Variants in CA5B observed in about 807,000 individuals in gnomAD.
The protein encoded by CA5B is carbonic anhydrase 5B, mitochondrial.
In CA5B, 15 loss-of-function variants were observed where a neutral mutation model predicts 23.1. The ratio of observed to expected loss-of-function variants is 0.65; its 90% CI spans 0.43 to 1.00. The LOEUF is 1.00. Among genes scored for constraint, CA5B ranks in the 50% least tolerant of loss-of-function variants. The probability of loss-of-function intolerance (pLI) is 0.00; values close to 1 mark genes in which losing one functional copy is unlikely to be tolerated. For synonymous variants in CA5B, 84 were observed against 98.5 expected, an observed-to-expected ratio of 0.85 and a Z score of 0.87; for missense variants, 236 against 252.2, an observed-to-expected ratio of 0.94 and a Z score of 0.43.
At chrX:15,769,019 A>G (rs1362401234) in intron 3 of CA5B, among the ~76,000 whole-genome samples, 2 of 111,625 alleles carry the variant, frequency 1.8e-5, no homozygotes, top group Admixed American at 1.9e-4. Flanking sequence ...ACAATAGAGA[A>G]GAACTTTCTC....
At chrX:15,768,368 G>A (rs1054858862) in intron 3 of CA5B, among the ~76,000 whole-genome samples, 2 of 110,893 alleles carry the variant, frequency 1.8e-5, no homozygotes, top group African/African-American at 6.6e-5. Flanking sequence ...AGTCATCAAC[G>A]TTTTTGTCAT....
chrX:15,764,875 G>T, intron 3 of CA5B, 100 bp downstream of exon 3: 1 of 1,037,013 alleles, frequency 9.6e-7, no homozygotes, highest in Non-Finnish European at 1.3e-6. Flanking sequence ...TGACCTCTTT[G>T]TGAGCAATGG....
intron 7 of CA5B, among the ~76,000 whole-genome samples, chrX:15,782,122 T>A (rs907884999): frequency 8.9e-6 from 1 of 112,082 alleles, no homozygotes; most frequent in Non-Finnish European, 1.9e-5. Context: ...TTCTGTAAGC[T>A]GGCTGTTTTG....
chrX:15,751,808 G>C (rs1931360675), intron 2 of CA5B, among the ~76,000 whole-genome samples: 1 of 110,937 alleles, frequency 9.0e-6, no homozygotes, highest in Non-Finnish European at 1.9e-5. Flanking sequence ...TGTGGTCTTT[G>C]CTGCTCTGGG....
Position 15,776,846 on chromosome X carries a change from C to T in CA5B, c.751C>T (p.Pro251Ser). 1 of 1,209,547 alleles carries T rather than the reference C, an allele frequency of 8.3e-7. No individual in the cohort carries two copies. Among genetic ancestry groups the T allele is most frequent in the Non-Finnish European group, 1.1e-6 (1 of 893,715 alleles). ...ESVTWIIKKQ[P>S]VEVDHDQLEQ... is the part of the protein sequence containing the mutation. ...TGTCACCTGGATCATTAAGAAGCAA[C>T]CAGTAGAGGTTGATCATGATCAGGT... The change falls in exon 7 of 8, where the codon CCA becomes TCA. Residue 251 changes from proline to serine, a missense_variant. Pro to Ser is a moderately conservative substitution (Grantham distance 74, BLOSUM62 -1). This residue lies in a region of CA5B where 170 missense variants were observed against 162.0 expected (regional missense o/e 1.05). Transcript: ENST00000318636.
intron 3 of CA5B, 115 bp from the exon 4 acceptor site, chrX:15,772,381 G>A (rs562848863): frequency 1.5e-5 from 7 of 466,479 alleles, no homozygotes; most frequent in South Asian, 1.2e-4. Context: ...ATATAATTCA[G>A]TGTAATCCAT....
chrX:15,746,662 G>A (rs775538673), intron 1 of CA5B, among the ~76,000 whole-genome samples: 1 of 111,403 alleles, frequency 9.0e-6, no homozygotes, highest in South Asian at 3.8e-4. Flanking sequence ...CAGTCTCCCC[G>A]AGCATCCAGG....
intron 1 of CA5B, chrX:15,745,711 G>T (rs1474711007): frequency 9.0e-6 from 1 of 111,524 alleles, no homozygotes; most frequent in Non-Finnish European, 1.9e-5. Context: ...AACAGTTAAG[G>T]CAAGCTTTCC....
intron 3 of CA5B, chrX:15,765,450 A>T: frequency 8.9e-6 from 1 of 112,974 alleles, no homozygotes; most frequent in East Asian, 2.8e-4. Flanking sequence ...TCTATGGAAG[A>T]CAGAAGGTGG....
chrX:15,749,153 A>T (rs12388132), intron 1 of CA5B, among the ~76,000 whole-genome samples: 2,963 of 106,434 alleles, frequency 0.028, 92 homozygotes, highest in African/African-American at 0.094. Context: ...AGAAGAATTG[A>T]TTTTTTTTTT....
chrX:15,738,357 G>A lies in CA5B; in HGVS notation c.-54+5G>A, dbSNP rs1384092589. ...GTGATCTGGAGAGACGCTCAGGTAA[G>A]GACGGGTGGCCGAGAGGAGTGGGGG... On this transcript the variant is annotated splice_donor_5th_base_variant and intron_variant, in intron 1 of 7. Transcript: ENST00000318636. 1.8e-5 allele frequency: 2 copies of A among 111,299 alleles called. No individual in the cohort carries two copies. The highest frequency in any genetic ancestry group is 3.8e-5 in the Non-Finnish European group (2 of 53,014). 9.2% of individuals were successfully genotyped at this position (111,299 alleles called of 1,213,427 possible).
intron 7 of CA5B, among the ~76,000 whole-genome samples, chrX:15,781,537 T>G (rs1333092567): frequency 1.8e-5 from 2 of 111,944 alleles, no homozygotes; most frequent in African/African-American, 6.5e-5. Context: ...ACTACCGTAA[T>G]GGACCGTGCA....
chrX:15,771,076 C>T (rs1272533302), intron 3 of CA5B, among the ~76,000 whole-genome samples: 1 of 105,977 alleles, frequency 9.4e-6, no homozygotes, highest in African/African-American at 3.4e-5. Context: ...CCAAAAACAT[C>T]TTATCTGGGC....
intron 2 of CA5B, among the ~76,000 whole-genome samples, chrX:15,754,856 G>A (rs1365621740): frequency 8.9e-6 from 1 of 112,354 alleles, no homozygotes; most frequent in Non-Finnish European, 1.9e-5. Context: ...AGGGACTAAA[G>A]AAGCCAGCAG....
intron 3 of CA5B, chrX:15,765,246 A>G (rs1931682517): frequency 8.0e-6 from 2 of 249,119 alleles, no homozygotes; most frequent in African/African-American, 5.9e-5. Flanking sequence ...AAGACTAGTC[A>G]TGTATTAGAG....
At chrX:15,747,829 CG>C (rs1448334642) in intron 1 of CA5B, among the ~76,000 whole-genome samples, 1 of 111,000 alleles carries the variant, frequency 9.0e-6, no homozygotes, top group Non-Finnish European at 1.9e-5. Context: ...GTGTCTCACA[CG>C]GAGAAGATTA....
chrX:15,742,241 G>A (rs1405012788), intron 1 of CA5B, among the ~76,000 whole-genome samples: 2 of 112,748 alleles, frequency 1.8e-5, no homozygotes, highest in Non-Finnish European at 3.7e-5. Flanking sequence ...CTCTGGATTA[G>A]TTCAAGCCTT....
chrX:15,763,225 TC>T (rs1416911966), intron 2 of CA5B, among the ~76,000 whole-genome samples: 1 of 112,273 alleles, frequency 8.9e-6, no homozygotes, highest in African/African-American at 3.2e-5. Context: ...AGCCTTTTTT[TC>T]TACCAGCCAA....
chrX:15,748,080 C>T (rs976285364), intron 1 of CA5B, among the ~76,000 whole-genome samples: 2 of 111,862 alleles, frequency 1.8e-5, no homozygotes, highest in South Asian at 3.7e-4. Flanking sequence ...TTACATAGCA[C>T]GCAGGAAGGC....
Sources: gnomAD v4.1 joint callset for allele counts (sites outside exome capture counted in the v4.1 genomes callset) on GRCh38, gnomAD v4.1.1 for gene constraint, gnomAD v4.1.1 regional missense constraint, MANE v1.5 for transcripts, NCBI Gene and HGNC (gene_info 2026-07-23, HGNC 2026-07-21) for gene names.